The following IGSF21 variants were observed in gnomAD, a reference collection of about 807,000 sequenced individuals.
IGSF21 encodes immunoglobin superfamily member 21.
A neutral mutation model predicts 46.8 loss-of-function variants in IGSF21; 28 were observed. That is an observed-to-expected ratio of 0.60 (90% confidence interval 0.44 to 0.82). The LOEUF (loss-of-function observed/expected upper bound fraction) is 0.82. Ranked by LOEUF, IGSF21 falls within the 40% of genes least tolerant of loss-of-function variation. IGSF21 has a pLI of 0.00. For missense variants in IGSF21, 624 were observed against 665.5 expected (o/e 0.94, Z 0.69); for synonymous variants, 284 against 273.6 (o/e 1.04, Z -0.38).
intron 1 of IGSF21, among the ~76,000 whole-genome samples, chr1:18,215,914 A>G (rs377576991): frequency 6.6e-6 from 1 of 152,242 alleles, no homozygotes; most frequent in South Asian, 2.1e-4. Context: ...GTCTTGGTTC[A>G]TTCATTACTT....
intron 3 of IGSF21, among the ~76,000 whole-genome samples, chr1:18,296,118 T>G (rs1248416917): frequency 6.6e-6 from 1 of 152,170 alleles, no homozygotes; most frequent in African/African-American, 2.4e-5. Flanking sequence ...CTCCCGGAGT[T>G]TCTCAGTGAC....
intron 1 of IGSF21, among the ~76,000 whole-genome samples, chr1:18,211,428 A>T (rs183434202): frequency 2.5e-4 from 38 of 152,392 alleles, no homozygotes; most frequent in African/African-American, 8.4e-4. Flanking sequence ...GTTCAAGGAA[A>T]CAGCGTTGTT....
At chr1:18,311,158 C>T (rs1195726473) in intron 3 of IGSF21, among the ~76,000 whole-genome samples, 6 of 152,204 alleles carry the variant, frequency 3.9e-5, no homozygotes, top group African/African-American at 1.4e-4. Context: ...CACATCCCTG[C>T]CAGCAGGATA....
chr1:18,116,881 G>A (rs1267235659), intron 1 of IGSF21, among the ~76,000 whole-genome samples: 1 of 152,238 alleles, frequency 6.6e-6, no homozygotes, highest in Non-Finnish European at 1.5e-5. Flanking sequence ...GCAAAGGGCT[G>A]GGGAAGAGAG....
At chr1:18,371,067 C>T (rs1044466945) in intron 6 of IGSF21, among the ~76,000 whole-genome samples, 3 of 152,194 alleles carry the variant, frequency 2.0e-5, no homozygotes, top group Non-Finnish European at 2.9e-5. Context: ...GATTTCACTC[C>T]TAGGTATTTA....
At chr1:18,178,890 T>C (rs1019032480) in intron 1 of IGSF21, among the ~76,000 whole-genome samples, 1 of 152,238 alleles carries the variant, frequency 6.6e-6, no homozygotes, top group Non-Finnish European at 1.5e-5. Context: ...TTTGAGAATC[T>C]AAGGGCATAA....
chr1:18,150,571 G>C (rs1365037773), intron 1 of IGSF21, among the ~76,000 whole-genome samples: 2 of 152,206 alleles, frequency 1.3e-5, no homozygotes, highest in African/African-American at 4.8e-5. Context: ...CCTCCTTGGA[G>C]ATGGGCTTAA....
chr1:18,369,775 T>G (rs1262661628), intron 6 of IGSF21, among the ~76,000 whole-genome samples: 1 of 152,184 alleles, frequency 6.6e-6, no homozygotes, highest in Non-Finnish European at 1.5e-5. Flanking sequence ...AGGGATGCCC[T>G]CCGCAGCTGA....
rs200792395 is a variant in IGSF21, at chr1:18,334,872, C to A, written c.306-20C>A. On this transcript the variant is annotated intron_variant, in intron 3 of 9. Transcript: ENST00000251296. This position sits in a 1 kb window ranked among gnomAD's most constrained non-coding sequence, Gnocchi z 4.3. Reference sequence around the variant, plus strand: ...AGCCCCACGATGAAGGGCCCTCACCCTGTCTTCTGCCTCCCCCAGGCTGCC... The same window carrying A: ...AGCCCCACGATGAAGGGCCCTCACCATGTCTTCTGCCTCCCCCAGGCTGCC... The A allele has an allele frequency of 4.4e-5, 70 of 1,592,196 alleles. No individual in the cohort carries two copies. In the Middle Eastern group the frequency reaches 5.0e-4, roughly 11 times the overall value.
chr1:18,301,171 C>T (rs762361991), intron 3 of IGSF21, among the ~76,000 whole-genome samples: 1 of 152,202 alleles, frequency 6.6e-6, no homozygotes, highest in Non-Finnish European at 1.5e-5. Context: ...GAGGAATGGT[C>T]ACTTGTCCAA....
chr1:18,152,580 T>C (rs2086530063), intron 1 of IGSF21, among the ~76,000 whole-genome samples: 1 of 152,180 alleles, frequency 6.6e-6, no homozygotes, highest in Admixed American at 6.5e-5. Context: ...AGACCAGGCA[T>C]CCGAACCTTT....
rs1452984032 is a variant in IGSF21 at position 18,322,586 on chromosome 1, C to T, written c.306-12306C>T. Among the ~76,000 whole-genome samples, 1 of 152,236 alleles carries T rather than the reference C, an allele frequency of 6.6e-6. No homozygotes were observed. Among genetic ancestry groups the T allele is most frequent in the African/African-American group, 2.4e-5 (1 of 41,472 alleles). On this transcript the variant is annotated intron_variant, in intron 3 of 9. Transcript: ENST00000251296. This position sits in a 1 kb window ranked among gnomAD's most constrained non-coding sequence, Gnocchi z 4.3. ...CATTTCCCTTTGGCCAACCACCTGG[C>T]TCCTGGTTCCCCACCACACGGAGTC... is the stretch of plus-strand genomic sequence containing the variant.
At chr1:18,303,658 C>A (rs1289393626) in intron 3 of IGSF21, among the ~76,000 whole-genome samples, 1 of 152,198 alleles carries the variant, frequency 6.6e-6, no homozygotes, top group Non-Finnish European at 1.5e-5. Context: ...ATTATTCATT[C>A]GTCCTTTTAG....
In IGSF21 at chr1:18,322,664, C is replaced by T. The variant is rs1197424620; in HGVS notation, c.306-12228C>T. On this transcript the variant is annotated intron_variant, in intron 3 of 9. Coordinates refer to ENST00000251296, the MANE Select transcript of IGSF21 (RefSeq NM_032880.5). The surrounding 1 kb of genome is among the most constrained non-coding windows in gnomAD (Gnocchi z 4.3). ...CCCCTGCCTGCCAGTCCTGGGATGG[C>T]GTCGGGTGAAGGTAGGAAAAACACT... Among the ~76,000 whole-genome samples the T allele has an allele frequency of 2.0e-5, 3 of 152,106 alleles. No individual in the cohort carries two copies. Among genetic ancestry groups the T allele is most frequent in the Non-Finnish European group, 4.4e-5 (3 of 68,030 alleles).
chr1:18,272,234 C>T (rs1302259864), intron 2 of IGSF21, among the ~76,000 whole-genome samples: 2 of 151,796 alleles, frequency 1.3e-5, no homozygotes, highest in African/African-American at 2.4e-5. Context: ...TAGGGGAAAC[C>T]GCCCCCATGA....
At chr1:18,270,231 G>A (rs1470244001) in intron 2 of IGSF21, among the ~76,000 whole-genome samples, 2 of 152,180 alleles carry the variant, frequency 1.3e-5, no homozygotes, top group Non-Finnish European at 2.9e-5. Context: ...ACTCTCCAAA[G>A]TGCAGGGAAA....
At chr1:18,243,300 G>A (rs995764455) in intron 2 of IGSF21, among the ~76,000 whole-genome samples, 5 of 152,168 alleles carry the variant, frequency 3.3e-5, no homozygotes, top group South Asian at 4.2e-4. Context: ...CTCAGCGAAC[G>A]GCATCACCAT....
intron 1 of IGSF21, among the ~76,000 whole-genome samples, chr1:18,130,730 T>C (rs1367113551): frequency 6.6e-6 from 1 of 152,148 alleles, no homozygotes; most frequent in Non-Finnish European, 1.5e-5. Flanking sequence ...TGTCTGAATA[T>C]CAGGACATTT....
chr1:18,161,727 T>A (rs1013126745), intron 1 of IGSF21, among the ~76,000 whole-genome samples: 4 of 152,158 alleles, frequency 2.6e-5, no homozygotes, highest in African/African-American at 9.7e-5. Flanking sequence ...GCTCCCAACT[T>A]ACACTGATAC....
Sources: allele counts gnomAD v4.1 joint callset (sites outside exome capture counted in the v4.1 genomes callset), GRCh38; gene constraint gnomAD v4.1.1; non-coding constraint Gnocchi (gnomAD v3.1); transcripts MANE v1.5; gene names NCBI Gene and HGNC (gene_info 2026-07-23, HGNC 2026-07-21).